Variants in GFRA1 observed in about 807,000 individuals in gnomAD.
GFRA1 encodes the protein GDNF family receptor alpha-1.
Under a neutral mutation model 51.6 loss-of-function variants are expected in GFRA1, and 16 were observed. The observed-to-expected ratio is 0.31, with a 90% CI of 0.21 to 0.47. The LOEUF (loss-of-function observed/expected upper bound fraction) is 0.47, where lower values mean the gene tolerates loss of function less well. Among genes scored for constraint, GFRA1 ranks in the 20% least tolerant of loss-of-function variants. The probability of loss-of-function intolerance (pLI) is 1.00; values close to 1 mark genes in which losing one functional copy is unlikely to be tolerated. For synonymous variants in GFRA1, 270 were observed against 241.3 expected (o/e 1.12, Z -1.10); for missense variants, 530 against 594.3 (o/e 0.89, Z 1.13).
intron 9 of GFRA1, among the ~76,000 whole-genome samples, chr10:116,086,345 C>T (rs2086745422): frequency 6.6e-6 from 1 of 152,210 alleles, no homozygotes; most frequent in Admixed American, 6.5e-5. Flanking sequence ...GGATCAGACA[C>T]CAAACTGCAT....
At chr10:116,109,524 A>T (rs966525481) in intron 6 of GFRA1, among the ~76,000 whole-genome samples, 2 of 152,180 alleles carry the variant, frequency 1.3e-5, no homozygotes, top group African/African-American at 4.8e-5. Context: ...CTAGGAGGGG[A>T]AATCATCTGG....
chr10:116,068,577 C>G (rs532683084), intron 9 of GFRA1, among the ~76,000 whole-genome samples: 18 of 152,218 alleles, frequency 1.2e-4, no homozygotes, highest in Non-Finnish European at 1.5e-5. Flanking sequence ...GAACTTCTGG[C>G]TAGTTGCATG....
intron 5 of GFRA1, among the ~76,000 whole-genome samples, chr10:116,203,358 C>T (rs1964489984): frequency 6.6e-6 from 1 of 152,220 alleles, no homozygotes; most frequent in African/African-American, 2.4e-5. Context: ...GCAGCCCCCA[C>T]TCTCTGACTT....
rs3781505 is a variant in GFRA1 at position 116,073,388 on chromosome 10, T to C, written c.1198-7762A>G. ...GAGGCAGACACAGGTTGCAGAAATA[T>C]ATTAGAGAACTGTTTGTTTTCATTC... On this transcript the variant is annotated intron_variant, in intron 9 of 10. Transcript: ENST00000355422. Among the ~76,000 whole-genome samples, 56 of 152,316 alleles carry C rather than the reference T, an allele frequency of 3.7e-4. No homozygotes were observed. The East Asian group carries it at 0.01, about 28-fold the overall frequency.
intron 4 of GFRA1, among the ~76,000 whole-genome samples, chr10:116,259,039 T>C (rs730357): frequency 0.23 from 35,756 of 152,160 alleles, 4,536 homozygotes; most frequent in South Asian, 0.4. Context: ...TCCTCATCAA[T>C]TGTTTTATTC....
At chr10:116,227,908 G>T (rs752431989) in intron 4 of GFRA1, among the ~76,000 whole-genome samples, 1 of 152,178 alleles carries the variant, frequency 6.6e-6, no homozygotes, top group Non-Finnish European at 1.5e-5. Flanking sequence ...CACAATCTCT[G>T]CCCTCTGGAA....
chr10:116,183,814 G>A (rs11197572), intron 5 of GFRA1, among the ~76,000 whole-genome samples: 84,666 of 152,128 alleles, frequency 0.56, 23,730 homozygotes, highest in Middle Eastern at 0.67. Context: ...CCCAACTTCC[G>A]TCTAAGCTCC....
intron 5 of GFRA1, among the ~76,000 whole-genome samples, chr10:116,180,569 G>T (rs557279664): frequency 6.6e-6 from 1 of 152,290 alleles, no homozygotes; most frequent in East Asian, 1.9e-4. Context: ...TACCAATTCT[G>T]TCAGCAACTT....
At chr10:116,136,478 A>AAG (rs1489520773) in intron 5 of GFRA1, among the ~76,000 whole-genome samples, 1 of 151,852 alleles carries the variant, frequency 6.6e-6, no homozygotes, top group Non-Finnish European at 1.5e-5. Context: ...AGAATCCAAA[A>AAG]CCCCCCTCTT....
At chr10:116,071,968 G>A (rs1955416429) in intron 9 of GFRA1, among the ~76,000 whole-genome samples, 1 of 151,996 alleles carries the variant, frequency 6.6e-6, no homozygotes, top group African/African-American at 2.4e-5. Flanking sequence ...AAAAACAGGA[G>A]TGACGTTTGA....
In GFRA1 at chr10:116,058,057, G is replaced by A. The variant is rs1318552133; in HGVS notation, c.*6341C>T. 5 of 120,620 alleles carry A rather than the reference G, an allele frequency of 4.1e-5. No individual in the cohort carries two copies. Among genetic ancestry groups the A allele is most frequent in the East Asian group, 4.1e-4 (1 of 2,418 alleles). 7.5% of individuals were successfully genotyped at this position (120,620 alleles called of 1,614,324 possible). ...GTGTGTGTGTGACAGAGAGAACCAC[G>A]CTTTATTGGCGGAGCCTTATGTGCC... On this transcript the variant is annotated 3_prime_UTR_variant, in exon 11 of 11. Coordinates refer to ENST00000355422, the MANE Select transcript of GFRA1 (RefSeq NM_005264.8).
intron 2 of GFRA1, among the ~76,000 whole-genome samples, chr10:116,271,730 G>A (rs1034786648): frequency 1.3e-5 from 2 of 152,188 alleles, no homozygotes; most frequent in African/African-American, 4.8e-5. Context: ...GGGCTGGAGG[G>A]CTTCTTAGTC....
intron 5 of GFRA1, among the ~76,000 whole-genome samples, chr10:116,142,671 T>C (rs1042032794): frequency 3.3e-5 from 5 of 152,238 alleles, no homozygotes; most frequent in South Asian, 2.1e-4. Context: ...TTAAAGGTAA[T>C]TGGGTAGTCT....
chr10:116,263,082 C>T (rs537577371), intron 4 of GFRA1, among the ~76,000 whole-genome samples: 3 of 152,264 alleles, frequency 2.0e-5, no homozygotes, highest in East Asian at 1.9e-4. Flanking sequence ...AGCCTCAGGC[C>T]AGGTGATTAA....
At chr10:116,261,083 G>A (rs1969265237) in intron 4 of GFRA1, among the ~76,000 whole-genome samples, 1 of 152,138 alleles carries the variant, frequency 6.6e-6, no homozygotes, top group Admixed American at 6.5e-5. Flanking sequence ...CTTAACTAAA[G>A]TCAATGGCTG....
intron 5 of GFRA1, among the ~76,000 whole-genome samples, chr10:116,132,745 T>C (rs1958155707): frequency 6.6e-6 from 1 of 152,144 alleles, no homozygotes; most frequent in African/African-American, 2.4e-5. Flanking sequence ...CTATATCTAT[T>C]GAATGGATCC....
At chr10:116,204,770 GAATA>G in intron 5 of GFRA1, among the ~76,000 whole-genome samples, 1 of 152,276 alleles carries the variant, frequency 6.6e-6, no homozygotes, top group South Asian at 2.1e-4. Context: ...GTAAGTTATT[GAATA>G]AATACATACA....
intron 5 of GFRA1, among the ~76,000 whole-genome samples, chr10:116,200,676 G>C (rs1964259903): frequency 1.3e-5 from 2 of 152,218 alleles, no homozygotes; most frequent in Admixed American, 1.3e-4. Flanking sequence ...CTTTCTTCCT[G>C]TGTCCTCACA....
intron 4 of GFRA1, among the ~76,000 whole-genome samples, chr10:116,264,448 T>G (rs1969512332): frequency 6.6e-6 from 1 of 152,184 alleles, no homozygotes; most frequent in Non-Finnish European, 1.5e-5. Flanking sequence ...ACACCTGGCA[T>G]AACAAGCAAG....
Sources: gnomAD v4.1 joint callset for allele counts (sites outside exome capture counted in the v4.1 genomes callset) on GRCh38, gnomAD v4.1.1 for gene constraint, MANE v1.5 for transcripts, NCBI Gene and HGNC (gene_info 2026-07-23, HGNC 2026-07-21) for gene names.